FAM135B: variants seen among roughly 807,000 people sequenced by gnomAD.
FAM135B encodes protein FAM135B.
FAM135B carries 43 observed loss-of-function variants against 127.7 expected under a neutral mutation model. The observed-to-expected ratio is 0.34, with a 90% CI of 0.26 to 0.43. FAM135B has a LOEUF of 0.43. Among genes scored for constraint, FAM135B ranks in the 20% least tolerant of loss-of-function variants. The probability of loss-of-function intolerance (pLI) is 1.00; values close to 1 mark genes in which losing one functional copy is unlikely to be tolerated. For missense variants in FAM135B, 1,558 were observed against 1,725.6 expected (o/e 0.90, Z 1.72); for synonymous variants, 670 against 665.1 (o/e 1.01, Z -0.11).
chr8:138,426,514 A>T (rs1264199461), intron 1 of FAM135B, among the ~76,000 whole-genome samples: 1 of 150,972 alleles, frequency 6.6e-6, no homozygotes, highest in Non-Finnish European at 1.5e-5. Context: ...CTATATATGT[A>T]TAATATATGT....
chr8:138,373,815 C>A (rs1215382964), intron 1 of FAM135B, among the ~76,000 whole-genome samples: 1 of 152,068 alleles, frequency 6.6e-6, no homozygotes, highest in Non-Finnish European at 1.5e-5. Context: ...CCGTAGCGCT[C>A]CCAGGCTTAT....
intron 4 of FAM135B, among the ~76,000 whole-genome samples, chr8:138,262,393 T>C (rs935198377): frequency 2.0e-5 from 3 of 152,140 alleles, no homozygotes. Flanking sequence ...AAATGGAGCA[T>C]TGTTTTCTTA....
At position 138,243,184 on chromosome 8, in the gene FAM135B, T is replaced by G. The variant is rs751507129; in HGVS notation, c.543-116A>C. On this transcript the variant is annotated intron_variant, in intron 6 of 19. Coordinates refer to ENST00000395297, the MANE Select transcript of FAM135B (RefSeq NM_015912.4). The surrounding 1 kb of genome is among the most constrained non-coding windows in gnomAD (Gnocchi z 7.5). ...GCATTTGGGATAAGTCATTTAGGAG[T>G]AGTTCACCCCCTAGGGAGTGTTTGC... The G allele has an allele frequency of 3.2e-6, 4 of 1,238,052 alleles. No homozygotes were observed. In the East Asian group the frequency reaches 1.0e-4, roughly 31 times the overall value. The allele number at this position is 1,238,052 out of a possible 1,614,324, so 76.7% of individuals were successfully genotyped here.
chr8:138,291,054 C>A (rs938922632), intron 3 of FAM135B, among the ~76,000 whole-genome samples: 2 of 152,102 alleles, frequency 1.3e-5, no homozygotes, highest in Admixed American at 6.5e-5. Flanking sequence ...CATACCCTGG[C>A]GTATGTTCTT....
At chr8:138,291,961 T>C (rs1407163932) in intron 3 of FAM135B, among the ~76,000 whole-genome samples, 1 of 152,108 alleles carries the variant, frequency 6.6e-6, no homozygotes, top group Admixed American at 6.6e-5. Context: ...CTCCGTATTT[T>C]AAAGGAAGAG....
At chr8:138,376,036 C>G (rs1243889408) in intron 1 of FAM135B, among the ~76,000 whole-genome samples, 1 of 152,148 alleles carries the variant, frequency 6.6e-6, no homozygotes, top group Non-Finnish European at 1.5e-5. Flanking sequence ...CTCTGTCGCC[C>G]AAGCTGGAGT....
chr8:138,181,082 T>TAAA (rs58164495), intron 9 of FAM135B, among the ~76,000 whole-genome samples: 2 of 145,760 alleles, frequency 1.4e-5, no homozygotes, highest in Non-Finnish European at 1.5e-5. Context: ...CTACTAAAAA[T>TAAA]AAAAAAAAAA....
At chr8:138,413,334 A>T (rs1044827903) in intron 1 of FAM135B, among the ~76,000 whole-genome samples, 1 of 150,626 alleles carries the variant, frequency 6.6e-6, no homozygotes, top group Non-Finnish European at 1.5e-5. Flanking sequence ...TTGCTCATCT[A>T]CTCCCCCTGC....
At chr8:138,341,650 T>C (rs1187209367) in intron 2 of FAM135B, among the ~76,000 whole-genome samples, 30 of 152,192 alleles carry the variant, frequency 2.0e-4, no homozygotes, top group Non-Finnish European at 2.9e-5. Flanking sequence ...AATGAATGAA[T>C]GAAGACTTGG....
chr8:138,269,364 T>C (rs956147974), intron 3 of FAM135B, among the ~76,000 whole-genome samples: 3 of 152,220 alleles, frequency 2.0e-5, no homozygotes, highest in Non-Finnish European at 2.9e-5. Flanking sequence ...ACCATCTACT[T>C]GTGGACTAAA....
At chr8:138,332,983 G>GCACACA (rs59548249) in intron 2 of FAM135B, among the ~76,000 whole-genome samples, 2 of 145,318 alleles carry the variant, frequency 1.4e-5, no homozygotes, top group Admixed American at 7.0e-5. Context: ...TTTGGAAAGC[G>GCACACA]CACACACACA....
chr8:138,460,180 G>T (rs1190730704), intron 1 of FAM135B, among the ~76,000 whole-genome samples: 1 of 152,108 alleles, frequency 6.6e-6, no homozygotes, highest in Non-Finnish European at 1.5e-5. Context: ...TTACTAGAAG[G>T]CAGACACAAT....
At chr8:138,238,963 T>C (rs578186563) in intron 7 of FAM135B, among the ~76,000 whole-genome samples, 1 of 152,344 alleles carries the variant, frequency 6.6e-6, no homozygotes, top group African/African-American at 2.4e-5. Flanking sequence ...ATAAACCATT[T>C]TATCTGAGTC....
Position 138,307,395 on chromosome 8 carries a change from G to A in FAM135B, c.157+3446C>T, listed in dbSNP as rs141078482. ...TATTATGTAAATGGCCCAGTCTTGC[G>A]TATGTCTTTATCAGCAGCATGAAAA... is the stretch of plus-strand genomic sequence containing the variant. On this transcript the variant is annotated intron_variant, in intron 3 of 19. Coordinates refer to ENST00000395297, the MANE Select transcript of FAM135B (RefSeq NM_015912.4). Among the ~76,000 whole-genome samples the A allele has an allele frequency of 8.3e-4, 127 of 152,162 alleles. 3 individuals carry two copies. In the South Asian group the frequency reaches 0.024, roughly 29 times the overall value.
chr8:138,485,489 C>T (rs115849337), intron 1 of FAM135B, among the ~76,000 whole-genome samples: 1,746 of 152,246 alleles, frequency 0.011, 31 homozygotes, highest in African/African-American at 0.04. Flanking sequence ...GATTAATCTC[C>T]TACTATGTGC....
chr8:138,279,694 T>C (rs1271364024), intron 3 of FAM135B, among the ~76,000 whole-genome samples: 1 of 152,228 alleles, frequency 6.6e-6, no homozygotes, highest in Non-Finnish European at 1.5e-5. Flanking sequence ...TGTTTATTCA[T>C]CTAGCTTTAC....
intron 1 of FAM135B, among the ~76,000 whole-genome samples, chr8:138,474,399 G>A (rs1814274948): frequency 6.6e-6 from 1 of 152,186 alleles, no homozygotes; most frequent in Non-Finnish European, 1.5e-5. Flanking sequence ...TAAGGAACAA[G>A]TGAGAAAAGG....
chr8:138,276,335 C>T (rs145191233), intron 3 of FAM135B, among the ~76,000 whole-genome samples: 18 of 152,304 alleles, frequency 1.2e-4, no homozygotes, highest in Admixed American at 4.6e-4. Context: ...CACCCAGTCA[C>T]GGTCTCCAGG....
At chr8:138,172,595 T>C (rs781526647) in intron 11 of FAM135B, among the ~76,000 whole-genome samples, 3 of 152,242 alleles carry the variant, frequency 2.0e-5, no homozygotes, top group Non-Finnish European at 4.4e-5. Context: ...TTATTTATTG[T>C]CTTCTCCGTC....
Sources: allele counts gnomAD v4.1 joint callset (sites outside exome capture counted in the v4.1 genomes callset), GRCh38; gene constraint gnomAD v4.1.1; non-coding constraint Gnocchi (gnomAD v3.1); transcripts MANE v1.5; gene names NCBI Gene and HGNC (gene_info 2026-07-23, HGNC 2026-07-21).